The following NT5DC3 variants were observed in gnomAD, a reference collection of about 807,000 sequenced individuals.
The protein encoded by NT5DC3 is 5'-nucleotidase domain-containing protein 3.
A neutral mutation model predicts 67.8 loss-of-function variants in NT5DC3; 42 were observed. The observed-to-expected ratio is 0.62, with a 90% confidence interval of 0.48 to 0.80. NT5DC3 has a LOEUF of 0.80. Ranked by LOEUF, NT5DC3 falls within the 30% of genes least tolerant of loss-of-function variation. The pLI is 0.00. For synonymous variants in NT5DC3, 237 were observed against 255.6 expected (o/e 0.93, Z 0.69); for missense variants, 570 against 696.4 (o/e 0.82, Z 2.04).
chr12:103,770,100 C>T (rs1444831804), downstream of NT5DC3, among the ~76,000 whole-genome samples: 1 of 152,218 alleles, frequency 6.6e-6, no homozygotes, highest in African/African-American at 2.4e-5. Flanking sequence ...TCATAGAAAA[C>T]ATGGCCTATC....
At chr12:103,780,415 A>C in intron 12 of NT5DC3, 51 bp from the exon 13 acceptor site, 57 of 1,539,786 alleles carry the variant, frequency 3.7e-5, no homozygotes, top group Non-Finnish European at 4.8e-5. Flanking sequence ...AAATAAGCTC[A>C]TTACGTAATG....
At chr12:103,763,841 A>C in the NT5DC3 span, 1 of 395,736 alleles carries the variant, frequency 2.5e-6, no homozygotes, top group Non-Finnish European at 4.5e-6. Context: ...GAGACAGGCG[A>C]GAACAAGAGG....
chr12:103,785,459 T>C lies in NT5DC3; in HGVS notation c.1205A>G (p.His402Arg). 1.2e-6 allele frequency: 2 copies of C among 1,614,124 alleles called. No homozygotes were observed. The highest frequency in any genetic ancestry group is 1.1e-5 in the South Asian group (1 of 91,078). The change falls in exon 12 of 14, where the codon CAT (histidine) becomes CGT (arginine). Residue 402 changes from histidine (H) to arginine (R), a missense_variant. Physicochemically the swap from His to Arg is conservative, Grantham distance 29. Transcript: ENST00000392876. ...YSDLADLTLK[H>R]GWRTGAIIPE... ...GATGATTGCACCAGTCCTCCAGCCATGCTTTAGGGTCAAATCCTGATCACA... is the reference window on the plus strand; with the variant it reads ...GATGATTGCACCAGTCCTCCAGCCACGCTTTAGGGTCAAATCCTGATCACA...
intron 1 of NT5DC3, among the ~76,000 whole-genome samples, chr12:103,839,591 T>C (rs1293918631): frequency 6.6e-6 from 1 of 151,654 alleles, no homozygotes; most frequent in Non-Finnish European, 1.5e-5. Flanking sequence ...TCAATAAGAA[T>C]TACAAGTTAA....
At chr12:103,755,251 C>T in the NT5DC3 span, 22 of 1,596,550 alleles carry the variant, frequency 1.4e-5, no homozygotes, top group East Asian at 4.9e-4. Context: ...CAAGTGATGC[C>T]ACAACACATG....
chr12:103,754,641 ATAT>A, the NT5DC3 span, among the ~76,000 whole-genome samples: 1 of 152,054 alleles, frequency 6.6e-6, no homozygotes, highest in Non-Finnish European at 1.5e-5. Flanking sequence ...AGCAATGATG[ATAT>A]TATGATGAAG....
downstream of NT5DC3, among the ~76,000 whole-genome samples, chr12:103,771,769 G>A (rs1246194512): frequency 6.6e-6 from 1 of 152,204 alleles, no homozygotes; most frequent in Non-Finnish European, 1.5e-5. Flanking sequence ...CAAGCCCAAA[G>A]TTCTGGAAGC....
At chr12:103,810,831 C>T (rs1486143269) in intron 2 of NT5DC3, among the ~76,000 whole-genome samples, 3 of 152,176 alleles carry the variant, frequency 2.0e-5, no homozygotes, top group Non-Finnish European at 4.4e-5. Flanking sequence ...GTAACCTCTA[C>T]GTTACAACAC....
At position 103,776,738 on chromosome 12, in the gene NT5DC3, T is replaced by C. The variant is rs1357175570; in HGVS notation, c.*1091A>G. 1 of 148,498 alleles carries C rather than the reference T, an allele frequency of 6.7e-6. No individual in the cohort carries two copies. The highest frequency in any genetic ancestry group is 2.5e-5 in the African/African-American group (1 of 40,104). 9.2% of individuals were successfully genotyped at this position (148,498 alleles called of 1,614,324 possible). On this transcript the variant is annotated 3_prime_UTR_variant, in exon 14 of 14. Coordinates refer to ENST00000392876, the MANE Select transcript of NT5DC3 (RefSeq NM_001031701.3). ...TCGCACAAACATCACAGGAGTGAAA[T>C]CTAAGAGAAGGCTGGACATGGCTAA...
At chr12:103,835,138 A>G (rs954299841) in intron 1 of NT5DC3, among the ~76,000 whole-genome samples, 1 of 152,150 alleles carries the variant, frequency 6.6e-6, no homozygotes, top group African/African-American at 2.4e-5. Flanking sequence ...GCCGCTGTTG[A>G]ACCCTCCCTA....
downstream of NT5DC3, chr12:103,766,277 C>T: frequency 6.2e-7 from 1 of 1,614,142 alleles, no homozygotes; most frequent in Non-Finnish European, 8.5e-7. Context: ...ACAACCCTCT[C>T]TTTTCCAGGA....
intron 2 of NT5DC3, among the ~76,000 whole-genome samples, chr12:103,810,708 G>A (rs891991877): frequency 2.0e-5 from 3 of 152,110 alleles, no homozygotes; most frequent in Non-Finnish European, 2.9e-5. Context: ...CTACAGAAAC[G>A]TCCCTATAGC....
chr12:103,806,830 A>G, intron 3 of NT5DC3, 25 bp downstream of exon 3: 3 of 1,440,952 alleles, frequency 2.1e-6, no homozygotes, highest in South Asian at 2.3e-5. Flanking sequence ...ATTAAACCAT[A>G]GAAAAACAGG....
chr12:103,763,798 T>C, the NT5DC3 span: 76 of 532,812 alleles, frequency 1.4e-4, no homozygotes, highest in African/African-American at 1.3e-3. Context: ...TCCTGGGTTC[T>C]CTTGGGTAGA....
rs1027697556 is a variant in NT5DC3, at chr12:103,798,443, G to A, written c.615+144C>T. On this transcript the variant is annotated intron_variant, in intron 5 of 13. Transcript: ENST00000392876. ...AAGGAGAATCATGAAAGAATCTGGG[G>A]GTGTCCCCTTCAAACGCTAGTCTCT... is the stretch of plus-strand genomic sequence containing the variant. 3.4e-5 allele frequency: 21 copies of A among 624,486 alleles called. No individual in the cohort carries two copies. In the Admixed American group the frequency reaches 4.0e-4, roughly 12 times the overall value. 38.7% of individuals were successfully genotyped at this position (624,486 alleles called of 1,614,324 possible).
the NT5DC3 span, chr12:103,750,697 A>G: frequency 6.2e-7 from 1 of 1,613,978 alleles, no homozygotes; most frequent in Non-Finnish European, 8.5e-7. Flanking sequence ...GCAGACGCCA[A>G]ATGTGTCGAC....
chr12:103,838,149 A>G (rs933543533), intron 1 of NT5DC3, among the ~76,000 whole-genome samples: 6 of 152,228 alleles, frequency 3.9e-5, no homozygotes, highest in African/African-American at 1.4e-4. Context: ...CTCAAGACTT[A>G]TTCACTATCA....
chr12:103,840,164 C>T (rs1182502185), intron 1 of NT5DC3, among the ~76,000 whole-genome samples: 1 of 152,178 alleles, frequency 6.6e-6, no homozygotes, highest in Non-Finnish European at 1.5e-5. Context: ...TGTGGAACCT[C>T]CTTCGTAGAT....
the NT5DC3 span, among the ~76,000 whole-genome samples, chr12:103,758,841 CAGCCACCTGAGGGCTGAGGAAAGCA>C: frequency 5.7e-4 from 87 of 152,344 alleles, no homozygotes; most frequent in African/African-American, 2.1e-3. Flanking sequence ...ACAGCCCCAC[CAGCCACCTGAGGGCTGAGGAAAGCA>C]ATACCTCTGC....
Sources: gnomAD v4.1 joint callset for allele counts (sites outside exome capture counted in the v4.1 genomes callset) on GRCh38, gnomAD v4.1.1 for gene constraint, MANE v1.5 for transcripts, NCBI Gene and HGNC (gene_info 2026-07-23, HGNC 2026-07-21) for gene names.